GABRB1: variants seen among roughly 807,000 people sequenced by gnomAD.
The protein encoded by GABRB1 is gamma-aminobutyric acid type A receptor subunit beta1.
A neutral mutation model predicts 51.6 loss-of-function variants in GABRB1; 17 were observed. The observed-to-expected ratio is 0.33, with a 90% CI of 0.23 to 0.49. The LOEUF is 0.49. Ranked by LOEUF, GABRB1 falls within the 20% of genes least tolerant of loss-of-function variation. The pLI, the probability that GABRB1 is intolerant of heterozygous loss-of-function variation, is 0.99. For missense variants in GABRB1, 410 were observed against 600.6 expected (o/e 0.68, Z 3.32); for synonymous variants, 247 against 218.9 (o/e 1.13, Z -1.14).
chr4:47,098,458 C>A lies in GABRB1; in HGVS notation c.241-62791C>A, dbSNP rs1714566475. ...TGCCATTTGGAACTGTTTTTTTTCC[C>A]CCCAATTAGGGTTTCTACAAAATGT... On this transcript the variant is annotated intron_variant, in intron 3 of 8. Coordinates refer to ENST00000295454, the MANE Select transcript of GABRB1 (RefSeq NM_000812.4). Among the ~76,000 whole-genome samples the A allele has an allele frequency of 2.0e-5, 3 of 151,982 alleles. No homozygotes were observed. The South Asian group carries it at 6.2e-4, about 32-fold the overall frequency.
intron 3 of GABRB1, among the ~76,000 whole-genome samples, chr4:47,056,149 C>T (rs1039470445): frequency 3.3e-5 from 5 of 152,166 alleles, no homozygotes; most frequent in African/African-American, 1.2e-4. Flanking sequence ...CATGTACGTC[C>T]TGCCCTCATT....
At chr4:47,048,893 T>G (rs767333359) in intron 3 of GABRB1, among the ~76,000 whole-genome samples, 1 of 152,038 alleles carries the variant, frequency 6.6e-6, no homozygotes, top group Non-Finnish European at 1.5e-5. Flanking sequence ...TTTTATTATT[T>G]CTCTAAATGA....
rs904191203 is a variant in GABRB1 at position 47,141,844 on chromosome 4, C to T, written c.241-19405C>T. ...AGAATTTGTGTTAACAAGTGCCTAG[C>T]CCTGTAAAGATAGCTCTGGGCCAAA... On this transcript the variant is annotated intron_variant, in intron 3 of 8. Transcript: ENST00000295454. 2.5e-3 allele frequency among the ~76,000 whole-genome samples: 386 copies of T among 152,020 alleles called. 6 individuals are homozygous for T. The highest frequency in any genetic ancestry group is 4.7e-4 in the Non-Finnish European group (32 of 67,902).
At chr4:47,407,952 C>A (rs1728632601) in intron 8 of GABRB1, among the ~76,000 whole-genome samples, 1 of 152,024 alleles carries the variant, frequency 6.6e-6, no homozygotes, top group African/African-American at 2.4e-5. Context: ...ATTAGCCGGG[C>A]ATTGTGGTGT....
At chr4:47,381,049 A>T (rs1005265389) in intron 5 of GABRB1, among the ~76,000 whole-genome samples, 1 of 152,146 alleles carries the variant, frequency 6.6e-6, no homozygotes, top group South Asian at 2.1e-4. Context: ...CAGATAGCAC[A>T]GGGGTAATTG....
intron 4 of GABRB1, among the ~76,000 whole-genome samples, chr4:47,164,531 G>A (rs1228949085): frequency 6.6e-6 from 1 of 151,996 alleles, no homozygotes. Context: ...CATCATGAAC[G>A]GGTCCATATA....
At chr4:47,387,569 T>A (rs1156420216) in intron 5 of GABRB1, among the ~76,000 whole-genome samples, 1 of 152,228 alleles carries the variant, frequency 6.6e-6, no homozygotes, top group Admixed American at 6.5e-5. Flanking sequence ...CAATATTAGT[T>A]CTTATGTGTG....
chr4:47,025,896 C>G (rs906667690), intron 1 of GABRB1, among the ~76,000 whole-genome samples: 3 of 151,876 alleles, frequency 2.0e-5, no homozygotes, highest in African/African-American at 7.3e-5. Flanking sequence ...TTTTGTAATG[C>G]CATCAACTTT....
At chr4:47,343,104 G>T (rs999139895) in intron 5 of GABRB1, among the ~76,000 whole-genome samples, 6 of 151,656 alleles carry the variant, frequency 4.0e-5, no homozygotes, top group African/African-American at 1.5e-4. Flanking sequence ...ATATGCTTGT[G>T]CACGGCTAAA....
chr4:47,005,319 G>A (rs535947213), intron 1 of GABRB1, among the ~76,000 whole-genome samples: 67 of 152,300 alleles, frequency 4.4e-4, no homozygotes, highest in African/African-American at 1.5e-3. Flanking sequence ...TCGGGAGGCT[G>A]AGGCAGGAGA....
intron 1 of GABRB1, among the ~76,000 whole-genome samples, chr4:47,001,313 T>C (rs1403858987): frequency 3.9e-5 from 6 of 151,904 alleles, no homozygotes; most frequent in Admixed American, 1.3e-4. Flanking sequence ...CAGCTAATTT[T>C]TTGTATTTTT....
intron 3 of GABRB1, among the ~76,000 whole-genome samples, chr4:47,154,633 T>C (rs1717611285): frequency 6.6e-6 from 1 of 152,020 alleles, no homozygotes; most frequent in Non-Finnish European, 1.5e-5. Flanking sequence ...CTTTTTCTGG[T>C]TGGAGGCAAT....
intron 4 of GABRB1, among the ~76,000 whole-genome samples, chr4:47,226,116 A>G (rs1216547987): frequency 2.0e-5 from 3 of 152,172 alleles, no homozygotes; most frequent in Admixed American, 6.6e-5. Context: ...GTGAGTAGCA[A>G]AGCCAGAAAA....
chr4:47,206,104 G>C (rs1720107231), intron 4 of GABRB1, among the ~76,000 whole-genome samples: 1 of 151,788 alleles, frequency 6.6e-6, no homozygotes, highest in Admixed American at 6.6e-5. Context: ...TTGACCTTAA[G>C]GCTTTGAGCT....
At chr4:47,328,522 G>A (rs1392958159) in intron 5 of GABRB1, among the ~76,000 whole-genome samples, 1 of 152,152 alleles carries the variant, frequency 6.6e-6, no homozygotes, top group African/African-American at 2.4e-5. Context: ...CAACCCAAAT[G>A]TCCAACAATG....
At chr4:47,262,380 A>C (rs1364109376) in intron 4 of GABRB1, among the ~76,000 whole-genome samples, 1 of 152,196 alleles carries the variant, frequency 6.6e-6, no homozygotes, top group Non-Finnish European at 1.5e-5. Context: ...AAAAGTGGGC[A>C]AAGGATATGA....
chr4:47,400,648 G>A (rs1335861340), intron 5 of GABRB1, among the ~76,000 whole-genome samples: 1 of 151,244 alleles, frequency 6.6e-6, no homozygotes, highest in African/African-American at 2.4e-5. Flanking sequence ...GTGAAGTCTG[G>A]GTTATTGATG....
intron 3 of GABRB1, among the ~76,000 whole-genome samples, chr4:47,160,109 C>T (rs956121902): frequency 2.0e-5 from 3 of 152,052 alleles, no homozygotes; most frequent in Non-Finnish European, 4.4e-5. Context: ...AAAACCATCC[C>T]TTCCAGCAAC....
At chr4:47,027,442 A>G (rs952376736), upstream of GABRB1, among the ~76,000 whole-genome samples, 1 of 151,686 alleles carries the variant, frequency 6.6e-6, no homozygotes, top group Non-Finnish European at 1.5e-5. Flanking sequence ...GGTCCATGCT[A>G]TAATATATAA....
Sources: gnomAD v4.1 joint callset for allele counts (sites outside exome capture counted in the v4.1 genomes callset) on GRCh38, gnomAD v4.1.1 for gene constraint, MANE v1.5 for transcripts, NCBI Gene and HGNC (gene_info 2026-07-23, HGNC 2026-07-21) for gene names.